IL1RAPL2: variants seen among roughly 807,000 people sequenced by gnomAD.
IL1RAPL2 encodes the protein interleukin 1 receptor accessory protein like 2, also known as X-linked interleukin-1 receptor accessory protein-like 2.
A neutral mutation model predicts 44.1 loss-of-function variants in IL1RAPL2; 3 were observed. The ratio of observed to expected loss-of-function variants is 0.07; its 90% confidence interval spans 0.03 to 0.18. The LOEUF is 0.18. IL1RAPL2 is among the 10% of genes least tolerant of loss of function. The pLI is 1.00. For missense variants in IL1RAPL2, 391 were observed against 496.4 expected, an observed-to-expected ratio of 0.79 and a Z score of 2.02; for synonymous variants, 181 against 178.8, an observed-to-expected ratio of 1.01 and a Z score of -0.10.
At chrX:105,616,419 G>T (rs1018167171) in intron 6 of IL1RAPL2, among the ~76,000 whole-genome samples, 4 of 111,522 alleles carry the variant, frequency 3.6e-5, no homozygotes, top group Admixed American at 1.9e-4. Context: ...GAGAATTACA[G>T]TTGCTCTACT....
chrX:105,448,154 T>A (rs1194585181), intron 5 of IL1RAPL2, among the ~76,000 whole-genome samples: 1 of 107,984 alleles, frequency 9.3e-6, no homozygotes, highest in Non-Finnish European at 1.9e-5. Context: ...TTTCTCTTAT[T>A]GTTTTTAGGA....
At chrX:105,185,020 T>C (rs1324604382) in intron 2 of IL1RAPL2, among the ~76,000 whole-genome samples, 1 of 112,004 alleles carries the variant, frequency 8.9e-6, no homozygotes, top group Non-Finnish European at 1.9e-5. Flanking sequence ...TTACGTACAC[T>C]CTCTTAGACG....
chrX:105,333,598 T>A (rs1839257966), intron 5 of IL1RAPL2, among the ~76,000 whole-genome samples: 1 of 111,142 alleles, frequency 9.0e-6, no homozygotes, highest in South Asian at 3.8e-4. Flanking sequence ...TGGGAGGAAA[T>A]ATTTGCAAAC....
chrX:105,112,731 G>A (rs1470772358), intron 2 of IL1RAPL2, among the ~76,000 whole-genome samples: 1 of 112,702 alleles, frequency 8.9e-6, no homozygotes, highest in Non-Finnish European at 1.9e-5. Context: ...GGGTCAAGTC[G>A]GCCATCCTCA....
chrX:105,370,751 G>A (rs2035332609), intron 5 of IL1RAPL2, among the ~76,000 whole-genome samples: 1 of 111,830 alleles, frequency 8.9e-6, no homozygotes, highest in Admixed American at 9.5e-5. Context: ...CCAATAATGG[G>A]ATTGCTGGGT....
intron 5 of IL1RAPL2, among the ~76,000 whole-genome samples, chrX:105,317,343 C>T (rs2034850897): frequency 9.0e-6 from 1 of 111,690 alleles, no homozygotes; most frequent in Non-Finnish European, 1.9e-5. Flanking sequence ...AGTGATGATC[C>T]ATTTGCATGG....
intron 2 of IL1RAPL2, among the ~76,000 whole-genome samples, chrX:104,969,077 G>A (rs2030184428): frequency 9.4e-6 from 1 of 106,789 alleles, no homozygotes; most frequent in South Asian, 4.2e-4. Context: ...AAAGACCTCA[G>A]GATAGCCAAG....
intron 2 of IL1RAPL2, among the ~76,000 whole-genome samples, chrX:104,904,284 T>A: frequency 9.1e-6 from 1 of 110,404 alleles, no homozygotes; most frequent in East Asian, 2.8e-4. Flanking sequence ...CATATGTAGT[T>A]TTCTTTTTAA....
chrX:105,032,527 T>G (rs1466135298), intron 2 of IL1RAPL2, among the ~76,000 whole-genome samples: 1 of 111,910 alleles, frequency 8.9e-6, no homozygotes, highest in Non-Finnish European at 1.9e-5. Context: ...TCCATGTAGT[T>G]GAGCAGTTTT....
At chrX:104,585,395 A>T (rs78806428) in intron 1 of IL1RAPL2, among the ~76,000 whole-genome samples, 1 of 22,832 alleles carries the variant, frequency 4.4e-5, no homozygotes, top group Non-Finnish European at 6.1e-5. Flanking sequence ...ATTATATATA[A>T]TATATAATAT....
rs530707873 is a variant in IL1RAPL2, at chrX:104,884,532, A to C, written c.82+225537A>C. Among the ~76,000 whole-genome samples the C allele has an allele frequency of 5.5e-5, 6 of 109,896 alleles. No homozygotes were observed. In the South Asian group the frequency reaches 2.4e-3, roughly 44 times the overall value. On this transcript the variant is annotated intron_variant, in intron 2 of 10. Transcript: ENST00000372582. ...CAGGCTCACCTTTGAAATGCATCCT[A>C]AGCCATTGGGACCAATTTGACCCGC...
At chrX:104,623,751 C>A (rs1160193183) in intron 1 of IL1RAPL2, among the ~76,000 whole-genome samples, 1 of 111,604 alleles carries the variant, frequency 9.0e-6, no homozygotes, top group East Asian at 2.8e-4. Flanking sequence ...ACTTTTGAAA[C>A]TGGGTGAGAA....
chrX:104,671,700 C>T (rs756655676), intron 2 of IL1RAPL2, among the ~76,000 whole-genome samples: 3 of 111,874 alleles, frequency 2.7e-5, no homozygotes, highest in Admixed American at 9.5e-5. Flanking sequence ...AGTTGATCTA[C>T]GAATGTTTAT....
In IL1RAPL2 at chrX:105,219,611, C is replaced by T. The variant is rs782348932; in HGVS notation, c.357-14207C>T. On this transcript the variant is annotated intron_variant, in intron 3 of 10. Transcript: ENST00000372582. Reference sequence around the variant, plus strand: ...ACAACCTCCACATCCCTCTGCTCTTCTTCTGCTCCTTTTCCTCCAGCAGCA... The same window carrying T: ...ACAACCTCCACATCCCTCTGCTCTTTTTCTGCTCCTTTTCCTCCAGCAGCA... 4.1e-6 allele frequency: 5 copies of T among 1,210,577 alleles called. No individual in the cohort carries two copies. The Admixed American group carries it at 1.1e-4, about 26-fold the overall frequency.
At chrX:105,478,919 T>C (rs959885728) in intron 5 of IL1RAPL2, among the ~76,000 whole-genome samples, 1 of 111,957 alleles carries the variant, frequency 8.9e-6, no homozygotes, top group Non-Finnish European at 1.9e-5. Context: ...CTTAAAAATA[T>C]AGTTAGGAAG....
intron 2 of IL1RAPL2, among the ~76,000 whole-genome samples, chrX:104,710,256 T>C (rs2147557333): frequency 9.0e-6 from 1 of 111,599 alleles, no homozygotes; most frequent in East Asian, 2.8e-4. Flanking sequence ...AGTGGATAAA[T>C]GGGTAAACAA....
chrX:105,191,238 C>T (rs781855587), intron 2 of IL1RAPL2, among the ~76,000 whole-genome samples: 25 of 112,323 alleles, frequency 2.2e-4, no homozygotes, highest in Non-Finnish European at 3.8e-4. Context: ...TGTTTTGAGA[C>T]GGAGTCTCAC....
chrX:104,771,792 A>G (rs2147597802), intron 2 of IL1RAPL2, among the ~76,000 whole-genome samples: 1 of 111,914 alleles, frequency 8.9e-6, no homozygotes, highest in African/African-American at 3.2e-5. Context: ...AAGGGTGGTG[A>G]GGGAAAGTCT....
At chrX:105,366,258 T>C (rs1368767249) in intron 5 of IL1RAPL2, among the ~76,000 whole-genome samples, 1 of 111,514 alleles carries the variant, frequency 9.0e-6, no homozygotes, top group Non-Finnish European at 1.9e-5. Context: ...GTGTCTTCTC[T>C]TTTTTCTTTG....
Sources: allele counts gnomAD v4.1 joint callset (sites outside exome capture counted in the v4.1 genomes callset), GRCh38; gene constraint gnomAD v4.1.1; transcripts MANE v1.5; gene names NCBI Gene and HGNC (gene_info 2026-07-23, HGNC 2026-07-21).